Variants in CFAP69 observed in about 807,000 individuals in gnomAD.
The protein encoded by CFAP69 is cilia and flagella associated protein 69.
CFAP69 carries 92 observed loss-of-function variants against 123.0 expected under a neutral mutation model. That is an observed-to-expected ratio of 0.75 (90% confidence interval 0.63 to 0.89). CFAP69 has a LOEUF of 0.89. CFAP69 is among the 40% of genes least tolerant of loss of function. The pLI is 0.00. For synonymous variants in CFAP69, 380 were observed against 364.3 expected (o/e 1.04, Z -0.49); for missense variants, 1,067 against 1,096.9 (o/e 0.97, Z 0.39).
In CFAP69 at chr7:90,309,326, G is replaced by C; in HGVS notation, c.2614G>C (p.Ala872Pro). ...ASRYHKRPQN[A>P]IFHQTHIKGL... ...CAGATACCATAAACGACCACAAAATGCAATATTTCACCAAACACATATTAA... is the reference window on the plus strand; with the variant it reads ...CAGATACCATAAACGACCACAAAATCCAATATTTCACCAAACACATATTAA... The change falls in exon 22 of 23, where the codon GCA (alanine) becomes CCA (proline). Residue 872 changes from alanine (A) to proline (P), a missense_variant. Coordinates refer to ENST00000389297, the MANE Select transcript of CFAP69 (RefSeq NM_001039706.3). 6.3e-7 allele frequency: 1 copy of C among 1,587,988 alleles called. No individual in the cohort carries two copies. The highest frequency in any genetic ancestry group is 1.2e-5 in the South Asian group (1 of 85,716).
rs1169618180 is a variant in CFAP69, at chr7:90,300,181, A to G, written c.2050+122A>G. 12 of 646,912 alleles carry G rather than the reference A, an allele frequency of 1.9e-5. 1 individual carries two copies. The highest frequency in any genetic ancestry group is 6.2e-5 in the Admixed American group (1 of 16,082). 40.1% of individuals were successfully genotyped at this position (646,912 alleles called of 1,614,324 possible). A position where few individuals can be genotyped will look rare whatever the true frequency, so the allele number is the denominator to read the frequency against. On this transcript the variant is annotated intron_variant, in intron 17 of 22. Transcript: ENST00000389297. ...TGTCTAAAGTTTTTTTTTTTTTTTT[A>G]CAAGGGTTTGAAAAATTTGCTATCC...
chr7:90,322,830 A>G, the CFAP69 span, among the ~76,000 whole-genome samples: 3 of 152,184 alleles, frequency 2.0e-5, no homozygotes, highest in Non-Finnish European at 4.4e-5. Flanking sequence ...CACACACAGG[A>G]ATGGTATTCT....
chr7:90,260,059 C>T (rs557444243), intron 3 of CFAP69, among the ~76,000 whole-genome samples: 55 of 152,226 alleles, frequency 3.6e-4, no homozygotes, highest in Admixed American at 1.4e-3. Context: ...TTTGTAAACT[C>T]CTTACAACAT....
chr7:90,276,487 C>T (rs1323242600), intron 9 of CFAP69, among the ~76,000 whole-genome samples: 1 of 152,170 alleles, frequency 6.6e-6, no homozygotes, highest in Admixed American at 6.6e-5. Context: ...CCAGGGTTTG[C>T]CCCTGTAAAC....
In CFAP69 at chr7:90,283,004, T is replaced by G. The variant is rs772687639; in HGVS notation, c.1485T>G (p.Asp495Glu). 2 of 1,589,166 alleles carry G rather than the reference T, an allele frequency of 1.3e-6. No homozygotes were observed. The highest frequency in any genetic ancestry group is 2.7e-5 in the African/African-American group (2 of 73,580). Reference protein sequence around the residue: ...RLLRAVVYLEDETVNKDLCEK... With the variant: ...RLLRAVVYLEEETVNKDLCEK... ...TGAGAGCCGTGGTCTACCTTGAAGA[T>G]GAGACTGTAAACAAAGATCTTTGTG... The change falls in exon 13 of 23, where the codon GAT (aspartate) becomes GAG (glutamate). Residue 495 changes from aspartate to glutamate, a missense_variant. Coordinates refer to ENST00000389297, the MANE Select transcript of CFAP69 (RefSeq NM_001039706.3).
chr7:90,250,327 A>T (rs538659612), intron 1 of CFAP69, among the ~76,000 whole-genome samples: 8 of 152,208 alleles, frequency 5.3e-5, no homozygotes, highest in Non-Finnish European at 1.0e-4. Flanking sequence ...CCCATTTATT[A>T]TTAATAGCTA....
At chr7:90,297,972 C>G (rs1584514370) in intron 16 of CFAP69, 142 bp downstream of exon 16, 1 of 551,828 alleles carries the variant, frequency 1.8e-6, no homozygotes, top group Non-Finnish European at 3.1e-6. Flanking sequence ...AACAAAATTG[C>G]TCCTAGAAAT....
chr7:90,282,797 A>G, intron 12 of CFAP69, 95 bp from the exon 13 acceptor site: 1 of 1,043,978 alleles, frequency 9.6e-7, no homozygotes, highest in Non-Finnish European at 1.3e-6. Context: ...CAAAATTTTA[A>G]CATTTGTTTA....
chr7:90,247,471 A>G (rs936862036), intron 1 of CFAP69, among the ~76,000 whole-genome samples: 3 of 152,210 alleles, frequency 2.0e-5, no homozygotes, highest in Non-Finnish European at 4.4e-5. Flanking sequence ...CTTACCAGCT[A>G]TGTGACCAAA....
rs778530824 is a variant in CFAP69, at chr7:90,271,681, T to C, written c.682+6T>C. The C allele has an allele frequency of 2.7e-4, 430 of 1,611,784 alleles. 1 individual carries two copies. The highest frequency in any genetic ancestry group is 3.3e-4 in the Non-Finnish European group (394 of 1,179,164). On this transcript the variant is annotated splice_donor_region_variant and intron_variant, in intron 7 of 22. Transcript: ENST00000389297. ...GCAGCATCTCTCAACTTCTGGTTTG[T>C]ATATTATTAAGTTTAAACACTTCAT...
At chr7:90,314,882 AC>A (rs1056420516), downstream of CFAP69, among the ~76,000 whole-genome samples, 1 of 152,080 alleles carries the variant, frequency 6.6e-6, no homozygotes, top group African/African-American at 2.4e-5. Flanking sequence ...CTGCTTTAAA[AC>A]TATTTTAAAA....
At chr7:90,272,699 C>T (rs1800133197) in intron 8 of CFAP69, among the ~76,000 whole-genome samples, 1 of 152,064 alleles carries the variant, frequency 6.6e-6, no homozygotes, top group Non-Finnish European at 1.5e-5. Context: ...TTCGTCCCTC[C>T]TCTCTCTACA....
At chr7:90,256,059 C>T (rs997081594) in intron 2 of CFAP69, among the ~76,000 whole-genome samples, 4 of 152,116 alleles carry the variant, frequency 2.6e-5, no homozygotes, top group African/African-American at 7.2e-5. Flanking sequence ...AGCCAGCACA[C>T]GCTAGGAACT....
Position 90,288,339 on chromosome 7 carries a change from T to C in CFAP69, c.1762T>C (p.Leu588=). 1 of 1,610,538 alleles carries C rather than the reference T, an allele frequency of 6.2e-7. No homozygotes were observed. Among genetic ancestry groups the C allele is most frequent in the South Asian group, 1.1e-5 (1 of 90,626 alleles). The change falls in exon 15 of 23, where the codon TTG becomes CTG. Residue 588 remains leucine, a synonymous_variant. Transcript: ENST00000389297. ...LGYNVLLFST[L]DSIWCCILGC... is the part of the protein sequence containing the mutation. ...CTATAATGTACTTCTTTTTAGTACA[T>C]TGGACAGCATTTGGTGAGTATTGCT...
intron 8 of CFAP69, 138 bp from the exon 9 acceptor site, chr7:90,273,849 G>T: frequency 1.7e-6 from 1 of 583,218 alleles, no homozygotes; most frequent in Admixed American, 4.1e-5. Context: ...TTCCATTCAT[G>T]AGGGCTCATT....
At chr7:90,279,052 T>A (rs1789035933) in intron 11 of CFAP69, among the ~76,000 whole-genome samples, 1 of 152,172 alleles carries the variant, frequency 6.6e-6, no homozygotes, top group Admixed American at 6.5e-5. Flanking sequence ...ATAATAGCTA[T>A]GCATTTTAAT....
chr7:90,313,073 T>C (rs1443074622), downstream of CFAP69, among the ~76,000 whole-genome samples: 1 of 152,246 alleles, frequency 6.6e-6, no homozygotes, highest in Non-Finnish European at 1.5e-5. Context: ...TTATGGAACA[T>C]AAAGTATTTT....
chr7:90,314,681 T>C (rs17868491), downstream of CFAP69, among the ~76,000 whole-genome samples: 1 of 136,400 alleles, frequency 7.3e-6, no homozygotes, highest in African/African-American at 2.7e-5. Context: ...GCAACTTCTC[T>C]GCAAATTTAA....
chr7:90,296,261 T>A (rs939395141), intron 15 of CFAP69, among the ~76,000 whole-genome samples: 2 of 152,158 alleles, frequency 1.3e-5, no homozygotes, highest in Admixed American at 6.6e-5. Context: ...TGTAAATATT[T>A]TACAGAGTTT....
Sources: gnomAD v4.1 joint callset for allele counts (sites outside exome capture counted in the v4.1 genomes callset) on GRCh38, gnomAD v4.1.1 for gene constraint, MANE v1.5 for transcripts, NCBI Gene and HGNC (gene_info 2026-07-23, HGNC 2026-07-21) for gene names.